Variants in EYS observed in about 807,000 individuals in gnomAD.
EYS encodes protein eyes shut homolog.
EYS carries 250 observed loss-of-function variants against 282.1 expected under a neutral mutation model. That is an observed-to-expected ratio of 0.89 (90% CI 0.80 to 0.98). The LOEUF (loss-of-function observed/expected upper bound fraction) is 0.98. Among genes scored for constraint, EYS ranks in the 50% least tolerant of loss-of-function variants. The probability of loss-of-function intolerance (pLI) is 0.00; values close to 1 mark genes in which losing one functional copy is unlikely to be tolerated. For missense variants in EYS, 4,016 were observed against 3,709.0 expected, an observed-to-expected ratio of 1.08 and a Z score of -2.15; for synonymous variants, 1,355 against 1,282.9, an observed-to-expected ratio of 1.06 and a Z score of -1.20.
intron 28 of EYS, among the ~76,000 whole-genome samples, chr6:64,432,473 A>G (rs1774602122): frequency 6.6e-6 from 1 of 151,598 alleles, no homozygotes. Flanking sequence ...AAAAAGGCCC[A>G]TAATACACTT....
At chr6:65,213,685 A>G (rs1347778439) in intron 12 of EYS, among the ~76,000 whole-genome samples, 1 of 152,138 alleles carries the variant, frequency 6.6e-6, no homozygotes, top group Non-Finnish European at 1.5e-5. Context: ...TTACTGTTCC[A>G]CCAACCACCC....
intron 35 of EYS, among the ~76,000 whole-genome samples, chr6:63,917,175 T>C (rs557641869): frequency 6.6e-6 from 1 of 152,346 alleles, no homozygotes; most frequent in African/African-American, 2.4e-5. Flanking sequence ...CATGTGCACA[T>C]GTATGTGTTT....
intron 8 of EYS, among the ~76,000 whole-genome samples, chr6:65,381,923 C>T (rs1765626850): frequency 6.6e-6 from 1 of 151,852 alleles, no homozygotes; most frequent in Admixed American, 6.6e-5. Flanking sequence ...GTAAGGTAGG[C>T]ATCAACTGGT....
chr6:63,751,738 G>A (rs1198644911), intron 41 of EYS, among the ~76,000 whole-genome samples: 3 of 152,146 alleles, frequency 2.0e-5, no homozygotes, highest in African/African-American at 7.2e-5. Context: ...TAAACCTGTT[G>A]TCTAATTGCT....
intron 26 of EYS, among the ~76,000 whole-genome samples, chr6:64,522,879 T>C (rs1265292166): frequency 6.6e-6 from 1 of 151,778 alleles, no homozygotes; most frequent in East Asian, 1.9e-4. Flanking sequence ...AGTGCACAGT[T>C]AAAGATGAAA....
At chr6:65,444,792 A>G (rs778399560) in intron 5 of EYS, among the ~76,000 whole-genome samples, 6 of 152,038 alleles carry the variant, frequency 3.9e-5, no homozygotes, top group Non-Finnish European at 5.9e-5. Context: ...AAATTCCTTT[A>G]TTTCACAGAA....
At chr6:64,664,851 T>G (rs1441447028) in intron 22 of EYS, among the ~76,000 whole-genome samples, 1 of 152,164 alleles carries the variant, frequency 6.6e-6, no homozygotes, top group Non-Finnish European at 1.5e-5. Flanking sequence ...AGAAATAAAT[T>G]TTTGTTGTTT....
At chr6:64,547,160 G>C (rs1582879076) in intron 26 of EYS, among the ~76,000 whole-genome samples, 1 of 152,132 alleles carries the variant, frequency 6.6e-6, no homozygotes, top group African/African-American at 2.4e-5. Context: ...TGGACCCAAA[G>C]AGTGAGCAGC....
intron 11 of EYS, among the ~76,000 whole-genome samples, chr6:65,325,623 C>T (rs1769598283): frequency 6.6e-6 from 1 of 152,014 alleles, no homozygotes; most frequent in Admixed American, 6.6e-5. Flanking sequence ...TTGGATGTGT[C>T]AGGGACAGGG....
At chr6:64,792,224 A>G (rs1774213579) in intron 22 of EYS, among the ~76,000 whole-genome samples, 1 of 151,924 alleles carries the variant, frequency 6.6e-6, no homozygotes, top group Non-Finnish European at 1.5e-5. Flanking sequence ...ATTATTTCCT[A>G]TTAACTTCTA....
chr6:64,850,453 G>A (rs1765846698), intron 19 of EYS, among the ~76,000 whole-genome samples: 1 of 152,024 alleles, frequency 6.6e-6, no homozygotes. Context: ...CCCTGAAGAA[G>A]TAACTTGAAA....
chr6:65,057,233 A>G (rs940302817), intron 13 of EYS, among the ~76,000 whole-genome samples: 1 of 152,110 alleles, frequency 6.6e-6, no homozygotes, highest in African/African-American at 2.4e-5. Context: ...GAAAAATTAA[A>G]CAGATGATTA....
chr6:64,023,951 C>G (rs144587049), intron 33 of EYS, among the ~76,000 whole-genome samples: 5 of 152,192 alleles, frequency 3.3e-5, no homozygotes, highest in African/African-American at 1.2e-4. Flanking sequence ...AATTTCTCAC[C>G]GGGCCTTGGC....
intron 13 of EYS, among the ~76,000 whole-genome samples, chr6:65,046,060 G>C (rs1294315287): frequency 2.6e-5 from 4 of 151,704 alleles, no homozygotes; most frequent in Non-Finnish European, 4.4e-5. Flanking sequence ...TAAAACTTCA[G>C]ACTCAAGAGG....
At chr6:65,533,395 T>A (rs1228101632) in intron 2 of EYS, among the ~76,000 whole-genome samples, 1 of 152,138 alleles carries the variant, frequency 6.6e-6, no homozygotes, top group Non-Finnish European at 1.5e-5. Flanking sequence ...AGCAGAATTC[T>A]ACCACAGGTA....
chr6:64,455,896 T>C (rs1775544601), intron 26 of EYS, among the ~76,000 whole-genome samples: 2 of 152,202 alleles, frequency 1.3e-5, no homozygotes, highest in Admixed American at 6.5e-5. Context: ...GTTCACTTAC[T>C]GATATGATTA....
intron 19 of EYS, among the ~76,000 whole-genome samples, chr6:64,861,432 C>T (rs1430443252): frequency 2.6e-5 from 4 of 152,108 alleles, no homozygotes; most frequent in African/African-American, 7.2e-5. Context: ...TTCCCAGTCC[C>T]GAGAGTGCAG....
chr6:64,121,800 T>C (rs185561697), intron 31 of EYS, among the ~76,000 whole-genome samples: 18 of 152,284 alleles, frequency 1.2e-4, no homozygotes, highest in Admixed American at 3.3e-4. Flanking sequence ...TGAATTGCCA[T>C]CTTTATGCCT....
chr6:65,603,306 A>G (rs1765673593), intron 2 of EYS, among the ~76,000 whole-genome samples: 1 of 151,962 alleles, frequency 6.6e-6, no homozygotes, highest in Non-Finnish European at 1.5e-5. Context: ...AATTCTAACT[A>G]TATTCAAAAA....
Sources: allele counts gnomAD v4.1 joint callset (sites outside exome capture counted in the v4.1 genomes callset), GRCh38; gene constraint gnomAD v4.1.1; transcripts MANE v1.5; gene names NCBI Gene and HGNC (gene_info 2026-07-23, HGNC 2026-07-21).